CAMK4: variants seen among roughly 807,000 people sequenced by gnomAD.
The protein encoded by CAMK4 is calcium/calmodulin dependent protein kinase IV.
A neutral mutation model predicts 44.9 loss-of-function variants in CAMK4; 22 were observed. The observed-to-expected ratio is 0.49, with a 90% CI of 0.35 to 0.70. CAMK4 has a LOEUF of 0.70. Ranked by LOEUF, CAMK4 falls within the 30% of genes least tolerant of loss-of-function variation. CAMK4 has a pLI of 0.01. For missense variants in CAMK4, 498 were observed against 586.8 expected, an observed-to-expected ratio of 0.85 and a Z score of 1.56; for synonymous variants, 218 against 215.4, an observed-to-expected ratio of 1.01 and a Z score of -0.11.
At chr5:111,225,326 A>G (rs1254793676) in intron 1 of CAMK4, among the ~76,000 whole-genome samples, 1 of 152,228 alleles carries the variant, frequency 6.6e-6, no homozygotes, top group East Asian at 1.9e-4. Context: ...GCAACAGACC[A>G]TCTCCCTAGG....
intron 5 of CAMK4, 55 bp from the exon 6 acceptor site, chr5:111,446,631 A>T (rs1166288829): frequency 4.5e-6 from 4 of 886,744 alleles, no homozygotes; most frequent in African/African-American, 1.7e-5. Context: ...AAGTATAGAC[A>T]TTCGAACCAT....
rs1755541920 is a variant in CAMK4 at position 111,484,394 on chromosome 5, C to T, written c.1350C>T (p.Pro450=). 1.3e-6 allele frequency: 2 copies of T among 1,583,042 alleles called. No individual in the cohort carries two copies. Among genetic ancestry groups the T allele is most frequent in the Non-Finnish European group, 1.7e-6 (2 of 1,165,916 alleles). Reference sequence around the variant, plus strand: ...AGACTGTGGAGGAGGCAGCAGCTCCCAGAGAAGGGCAAGGAAGCTCTGCTG... The same window carrying T: ...AGACTGTGGAGGAGGCAGCAGCTCCTAGAGAAGGGCAAGGAAGCTCTGCTG... ...KLKTVEEAAA[P]REGQGSSAVG... Residue 450 remains proline (P), a synonymous_variant, in exon 11 of 11, where the codon CCC becomes CCT. Coordinates refer to ENST00000282356, the MANE Select transcript of CAMK4 (RefSeq NM_001744.6). The surrounding 1 kb of genome is among the most constrained non-coding windows in gnomAD (Gnocchi z 5.3).
At chr5:111,330,547 T>C (rs899056165) in intron 1 of CAMK4, among the ~76,000 whole-genome samples, 5 of 151,636 alleles carry the variant, frequency 3.3e-5, no homozygotes, top group Non-Finnish European at 5.9e-5. Flanking sequence ...ATTCTAAGTG[T>C]TACAAGGAAA....
At chr5:111,401,975 A>T (rs150790573) in intron 5 of CAMK4, among the ~76,000 whole-genome samples, 4 of 152,226 alleles carry the variant, frequency 2.6e-5, no homozygotes, top group Admixed American at 1.3e-4. Flanking sequence ...GGTGTTGCTG[A>T]TAAGAGGCAC....
intron 1 of CAMK4, among the ~76,000 whole-genome samples, chr5:111,286,157 G>C (rs1416237700): frequency 6.6e-6 from 1 of 152,152 alleles, no homozygotes; most frequent in Non-Finnish European, 1.5e-5. Context: ...AACATTTAAG[G>C]GTTAAGGTTT....
At chr5:111,469,479 C>G (rs1041794308) in intron 7 of CAMK4, among the ~76,000 whole-genome samples, 2 of 152,006 alleles carry the variant, frequency 1.3e-5, no homozygotes, top group African/African-American at 4.8e-5. Flanking sequence ...CCCAGTGCTG[C>G]GACAGATCAG....
intron 1 of CAMK4, among the ~76,000 whole-genome samples, chr5:111,310,999 A>T (rs1561401972): frequency 6.6e-6 from 1 of 152,272 alleles, no homozygotes; most frequent in African/African-American, 2.4e-5. Context: ...AGTTGAATTT[A>T]GATAAAAATT....
At position 111,484,284 on chromosome 5, in the gene CAMK4, C is replaced by T. The variant is rs1755535804; in HGVS notation, c.1240C>T (p.Pro414Ser). Reference protein sequence around the residue: ...KGADINAEEAPKMVPKAVEDG... With the variant: ...KGADINAEEASKMVPKAVEDG... The stretch of plus-strand genomic sequence containing the variant: ...TGCAGATATAAATGCTGAAGAGGCC[C>T]CCAAAATGGTGCCCAAGGCAGTGGA... Residue 414 changes from proline to serine, a missense_variant, in exon 11 of 11, where the codon CCC (proline) becomes TCC (serine). Around this residue, in one of 3 missense-constraint regions of CAMK4, gnomAD observed 143 missense variants for 144.9 expected, o/e 0.99. Coordinates refer to ENST00000282356, the MANE Select transcript of CAMK4 (RefSeq NM_001744.6). This position sits in a 1 kb window ranked among gnomAD's most constrained non-coding sequence, Gnocchi z 5.3. 1 of 1,613,926 alleles carries T rather than the reference C, an allele frequency of 6.2e-7. No homozygotes were observed. Among genetic ancestry groups the T allele is most frequent in the Non-Finnish European group, 8.5e-7 (1 of 1,180,014 alleles).
chr5:111,369,258 T>A (rs919953698), intron 2 of CAMK4, among the ~76,000 whole-genome samples: 26 of 151,858 alleles, frequency 1.7e-4, no homozygotes, highest in African/African-American at 5.8e-4. Flanking sequence ...AAAGACAGGG[T>A]TTCACCATGT....
At chr5:111,265,535 T>C (rs1042221624) in intron 1 of CAMK4, among the ~76,000 whole-genome samples, 1 of 152,218 alleles carries the variant, frequency 6.6e-6, no homozygotes, top group Non-Finnish European at 1.5e-5. Flanking sequence ...GCTTCTCTCA[T>C]TTTACATATA....
intron 5 of CAMK4, 125 bp downstream of exon 5, chr5:111,394,907 A>G: frequency 3.1e-6 from 2 of 652,406 alleles, no homozygotes; most frequent in Non-Finnish European, 5.3e-6. Context: ...TGAAATATTT[A>G]TTAGAAAATG....
chr5:111,424,927 G>A (rs989257774), intron 5 of CAMK4, among the ~76,000 whole-genome samples: 11 of 152,104 alleles, frequency 7.2e-5, no homozygotes, highest in African/African-American at 2.6e-4. Context: ...ACTTTGGGAG[G>A]CAGAGGTGGG....
intron 1 of CAMK4, among the ~76,000 whole-genome samples, chr5:111,278,731 G>T (rs1040122227): frequency 6.6e-6 from 1 of 152,154 alleles, no homozygotes; most frequent in Non-Finnish European, 1.5e-5. Flanking sequence ...TCTAAGCAAG[G>T]CTTACCAGGC....
intron 5 of CAMK4, among the ~76,000 whole-genome samples, chr5:111,438,739 C>T (rs887630825): frequency 1.3e-5 from 2 of 152,128 alleles, no homozygotes; most frequent in Admixed American, 6.6e-5. Context: ...TTTATTTATT[C>T]ATACACTTAA....
At chr5:111,403,756 A>G (rs1752315493) in intron 5 of CAMK4, among the ~76,000 whole-genome samples, 1 of 152,166 alleles carries the variant, frequency 6.6e-6, no homozygotes, top group Non-Finnish European at 1.5e-5. Context: ...TCTAAAAACA[A>G]TTCCTGGGCA....
chr5:111,342,629 T>C (rs1749690750), intron 1 of CAMK4, among the ~76,000 whole-genome samples: 1 of 151,560 alleles, frequency 6.6e-6, no homozygotes, highest in Non-Finnish European at 1.5e-5. Context: ...TTTAATGTAA[T>C]TATATGATTA....
At chr5:111,294,005 C>CTG (rs1747386799) in intron 1 of CAMK4, among the ~76,000 whole-genome samples, 1 of 152,118 alleles carries the variant, frequency 6.6e-6, no homozygotes. Flanking sequence ...CCTCGGCCTC[C>CTG]CAAAGTGCTG....
rs921701550 is a variant in CAMK4, at chr5:111,482,761, G to C, written c.829-24G>C. ...CAGGTCATCCTAAAAACCTCGCTAA[G>C]TTTATGGTTCTTTATTATTTCAGGT... On this transcript the variant is annotated intron_variant, in intron 9 of 10. Transcript: ENST00000282356. The surrounding 1 kb of genome is among the most constrained non-coding windows in gnomAD (Gnocchi z 4.9). 3 of 1,595,934 alleles carry C rather than the reference G, an allele frequency of 1.9e-6. No homozygotes were observed. The highest frequency in any genetic ancestry group is 2.6e-6 in the Non-Finnish European group (3 of 1,173,290).
At chr5:111,351,677 G>A (rs1279197646) in intron 2 of CAMK4, among the ~76,000 whole-genome samples, 1 of 120,668 alleles carries the variant, frequency 8.3e-6, no homozygotes, top group Non-Finnish European at 1.6e-5. Context: ...CTCCCAAAGT[G>A]CTGGGATTAT....
Sources: allele counts gnomAD v4.1 joint callset (sites outside exome capture counted in the v4.1 genomes callset), GRCh38; gene constraint gnomAD v4.1.1; regional missense constraint gnomAD v4.1.1; non-coding constraint Gnocchi (gnomAD v3.1); transcripts MANE v1.5; gene names NCBI Gene and HGNC (gene_info 2026-07-23, HGNC 2026-07-21).